The following MRE11 variants were observed in gnomAD, a reference collection of about 807,000 sequenced individuals.
MRE11 encodes the protein MRE11 double strand break repair nuclease.
A neutral mutation model predicts 91.7 loss-of-function variants in MRE11; 62 were observed. The observed-to-expected ratio is 0.68, with a 90% CI of 0.55 to 0.84. MRE11 has a LOEUF of 0.84. Ranked by LOEUF, MRE11 falls within the 40% of genes least tolerant of loss-of-function variation. The probability of loss-of-function intolerance (pLI) is 0.00; values close to 1 mark genes in which losing one functional copy is unlikely to be tolerated. For synonymous variants in MRE11, 273 were observed against 271.4 expected (o/e 1.01, Z -0.06); for missense variants, 796 against 852.9 (o/e 0.93, Z 0.83).
At chr11:94,501,526 C>CT in the MRE11 span, among the ~76,000 whole-genome samples, 24 of 151,820 alleles carry the variant, frequency 1.6e-4, no homozygotes, top group African/African-American at 4.3e-4. Flanking sequence ...AGATGTTTTA[C>CT]TTTTTTTTGC....
At chr11:94,445,984 A>T in intron 15 of MRE11, 91 bp from the exon 16 acceptor site, 1 of 951,984 alleles carries the variant, frequency 1.1e-6, no homozygotes, top group South Asian at 1.3e-5. Flanking sequence ...AAATAAACTT[A>T]TGTCAAATAG....
chr11:94,511,887 T>C, the MRE11 span, among the ~76,000 whole-genome samples: 1 of 152,264 alleles, frequency 6.6e-6, no homozygotes, highest in Non-Finnish European at 1.5e-5. Flanking sequence ...TTTGATTTCA[T>C]CTGTAAAGTT....
rs1591652709 is a variant in MRE11, at chr11:94,445,743, C to T, written c.1867+67G>A. On this transcript the variant is annotated intron_variant, in intron 16 of 19. Transcript: ENST00000323929. ...TGATTGCAACACAAATAAGGGCTACCAATGGTGATTACCTTGGTCTTTCTA... is the reference window on the plus strand; with the variant it reads ...TGATTGCAACACAAATAAGGGCTACTAATGGTGATTACCTTGGTCTTTCTA... 3 of 1,132,242 alleles carry T rather than the reference C, an allele frequency of 2.6e-6. No individual in the cohort carries two copies. In the Admixed American group the frequency reaches 5.1e-5, roughly 19 times the overall value. 70.1% of individuals were successfully genotyped at this position (1,132,242 alleles called of 1,614,324 possible).
the MRE11 span, among the ~76,000 whole-genome samples, chr11:94,508,370 A>G: frequency 6.6e-6 from 1 of 152,180 alleles, no homozygotes; most frequent in African/African-American, 2.4e-5. Context: ...AGACATCATG[A>G]AGGTTTTTTT....
At chr11:94,459,289 G>A in intron 13 of MRE11, 119 bp downstream of exon 13, 1 of 1,035,428 alleles carries the variant, frequency 9.7e-7, no homozygotes, top group Admixed American at 2.1e-5. Context: ...CAATTTTATA[G>A]ATGAGAAAAA....
At chr11:94,489,350 T>C (rs1351292854) in intron 3 of MRE11, among the ~76,000 whole-genome samples, 1 of 149,158 alleles carries the variant, frequency 6.7e-6, no homozygotes, top group African/African-American at 2.5e-5. Context: ...AGGCAGAGAG[T>C]AGTAGGAGAT....
the MRE11 span, among the ~76,000 whole-genome samples, chr11:94,500,882 A>G: frequency 2.0e-5 from 3 of 152,200 alleles, no homozygotes; most frequent in Non-Finnish European, 4.4e-5. Flanking sequence ...CAGAGACTAT[A>G]CTGAGATTTA....
At chr11:94,451,519 C>T (rs1946105636) in intron 14 of MRE11, among the ~76,000 whole-genome samples, 2 of 151,924 alleles carry the variant, frequency 1.3e-5, no homozygotes, top group Admixed American at 6.6e-5. Flanking sequence ...CAAAGAACTG[C>T]GTGCACAAAA....
intron 11 of MRE11, among the ~76,000 whole-genome samples, chr11:94,463,637 T>A (rs13447654): frequency 6.6e-6 from 1 of 152,154 alleles, no homozygotes; most frequent in Non-Finnish European, 1.5e-5. Context: ...TGTAGGGACA[T>A]GGATGAAGGT....
chr11:94,460,406 G>C (rs957181322), intron 12 of MRE11, among the ~76,000 whole-genome samples: 1 of 152,186 alleles, frequency 6.6e-6, no homozygotes, highest in Non-Finnish European at 1.5e-5. Context: ...GGCTGTCTTT[G>C]TTTGTAGAAT....
intron 19 of MRE11, among the ~76,000 whole-genome samples, chr11:94,421,027 C>T (rs1372228418): frequency 6.7e-6 from 1 of 148,726 alleles, no homozygotes; most frequent in Non-Finnish European, 1.5e-5. Context: ...GCGAGAGACT[C>T]CATCTCAAAA....
chr11:94,430,877 C>T (rs560544477), intron 18 of MRE11, among the ~76,000 whole-genome samples: 5 of 152,202 alleles, frequency 3.3e-5, no homozygotes, highest in African/African-American at 9.6e-5. Flanking sequence ...AGCCCACCAC[C>T]AGGTTTTGTT....
intron 19 of MRE11, among the ~76,000 whole-genome samples, chr11:94,423,904 G>A (rs978216642): frequency 3.9e-5 from 6 of 152,206 alleles, no homozygotes; most frequent in Admixed American, 6.5e-5. Context: ...AGTGAGACAC[G>A]TGGGTTCGTG....
At chr11:94,433,762 CTT>C (rs1338991177) in intron 18 of MRE11, among the ~76,000 whole-genome samples, 1 of 152,166 alleles carries the variant, frequency 6.6e-6, no homozygotes, top group African/African-American at 2.4e-5. Flanking sequence ...CATTAAACCT[CTT>C]TGTTTTGTAA....
intron 19 of MRE11, among the ~76,000 whole-genome samples, chr11:94,421,235 A>G (rs1052123309): frequency 1.1e-4 from 17 of 152,236 alleles, no homozygotes; most frequent in African/African-American, 4.1e-4. Context: ...AAATTTGTTT[A>G]TAAGTTTTTT....
chr11:94,419,703 T>C lies in MRE11; in HGVS notation c.*422A>G, dbSNP rs1441029149. 1 of 240,150 alleles carries C rather than the reference T, an allele frequency of 4.2e-6. No individual in the cohort carries two copies. Among genetic ancestry groups the C allele is most frequent in the Non-Finnish European group, 8.2e-6 (1 of 122,526 alleles). The allele number at this position is 240,150 out of a possible 1,614,324, so 14.9% of individuals were successfully genotyped here. A position where few individuals can be genotyped will look rare whatever the true frequency, so the allele number is the denominator to read the frequency against. The stretch of plus-strand genomic sequence containing the variant: ...AAGCATTGGAAAAAAACATACATAG[T>C]AACAAACAGTGAATTTAGACATAGG... On this transcript the variant is annotated 3_prime_UTR_variant, in exon 20 of 20. Transcript: ENST00000323929.
At chr11:94,464,405 A>C (rs1283935565) in intron 10 of MRE11, among the ~76,000 whole-genome samples, 166 bp from the exon 11 acceptor site, 1 of 152,208 alleles carries the variant, frequency 6.6e-6, no homozygotes, top group East Asian at 1.9e-4. Flanking sequence ...TATCCTACTG[A>C]GAAACTAATG....
At chr11:94,457,889 A>T (rs3016399) in intron 13 of MRE11, among the ~76,000 whole-genome samples, 393 of 74,794 alleles carry the variant, frequency 5.3e-3, no homozygotes, top group African/African-American at 0.021. Flanking sequence ...TCTCTCTCTC[A>T]CACACACACA....
upstream of MRE11, chr11:94,496,992 A>G (rs754703114): frequency 2.5e-6 from 4 of 1,609,386 alleles, no homozygotes; most frequent in African/African-American, 2.7e-5. Context: ...ACAGTAGGAA[A>G]AGCACTGGGT....
Sources: gnomAD v4.1 joint callset for allele counts (sites outside exome capture counted in the v4.1 genomes callset) on GRCh38, gnomAD v4.1.1 for gene constraint, MANE v1.5 for transcripts, NCBI Gene and HGNC (gene_info 2026-07-23, HGNC 2026-07-21) for gene names.